ACTN1: variants seen among roughly 807,000 people sequenced by gnomAD.
The protein encoded by ACTN1 is actinin alpha 1.
Under a neutral mutation model 119.6 loss-of-function variants are expected in ACTN1, and 30 were observed. The ratio of observed to expected loss-of-function variants is 0.25; its 90% CI spans 0.19 to 0.34. The LOEUF (loss-of-function observed/expected upper bound fraction) is 0.34, where lower values mean the gene tolerates loss of function less well. Among genes scored for constraint, ACTN1 ranks in the 10% least tolerant of loss-of-function variants. The pLI, the probability that ACTN1 is intolerant of heterozygous loss-of-function variation, is 1.00. For synonymous variants in ACTN1, 429 were observed against 472.6 expected (o/e 0.91, Z 1.20); for missense variants, 764 against 1,223.4 (o/e 0.62, Z 5.60).
At chr14:68,876,569 C>G (rs1477793795) in intron 21 of ACTN1, among the ~76,000 whole-genome samples, 1 of 152,168 alleles carries the variant, frequency 6.6e-6, no homozygotes, top group Non-Finnish European at 1.5e-5. Flanking sequence ...TGGAGACAAC[C>G]CCCTGCATCC....
intron 1 of ACTN1, among the ~76,000 whole-genome samples, chr14:68,970,852 T>C (rs1336415476): frequency 6.6e-6 from 1 of 152,254 alleles, no homozygotes; most frequent in Non-Finnish European, 1.5e-5. Flanking sequence ...GTCAAAGACC[T>C]GGATTGAAAA....
chr14:68,888,542 C>T (rs961397544), intron 11 of ACTN1, among the ~76,000 whole-genome samples: 1 of 152,144 alleles, frequency 6.6e-6, no homozygotes, highest in African/African-American at 2.4e-5. Context: ...CAAAGGGGAA[C>T]TAGAGCCAAC....
At chr14:68,928,750 G>A (rs912378300) in intron 1 of ACTN1, among the ~76,000 whole-genome samples, 2 of 152,112 alleles carry the variant, frequency 1.3e-5, no homozygotes, top group Admixed American at 6.5e-5. Flanking sequence ...AAATGATCCC[G>A]GGACCAGGTC....
In ACTN1 at chr14:68,876,428, C is replaced by T. The variant is rs571849334; in HGVS notation, c.2586+654G>A. ...CTCTGTGAGTCTTTTCTCTAATATT[C>T]GAGGGATCTGTGGCTTCTACAGATC... is the stretch of plus-strand genomic sequence containing the variant. On this transcript the variant is annotated intron_variant, in intron 21 of 21. Coordinates refer to ENST00000394419, the MANE Select transcript of ACTN1 (RefSeq NM_001130004.2). 4.0e-5 allele frequency among the ~76,000 whole-genome samples: 6 copies of T among 150,124 alleles called. No homozygotes were observed. The East Asian group carries it at 6.0e-4, about 15-fold the overall frequency.
intron 11 of ACTN1, among the ~76,000 whole-genome samples, chr14:68,888,895 T>C (rs970601219): frequency 2.6e-5 from 4 of 152,182 alleles, no homozygotes; most frequent in Non-Finnish European, 5.9e-5. Context: ...TCCACGAAAC[T>C]GGTCCCCGGT....
In ACTN1 at chr14:68,925,725, A is replaced by G; in HGVS notation, c.106-53T>C. ...TCAGGGGGCTGGTGTTGTCACCCTCATTGGACAAGCCATTTAATGGTGCCA... is the reference window on the plus strand; with the variant it reads ...TCAGGGGGCTGGTGTTGTCACCCTCGTTGGACAAGCCATTTAATGGTGCCA... On this transcript the variant is annotated intron_variant, in intron 1 of 21. Transcript: ENST00000394419. This position sits in a 1 kb window ranked among gnomAD's most constrained non-coding sequence, Gnocchi z 4.3. The G allele has an allele frequency of 6.8e-7, 1 of 1,473,840 alleles. No individual in the cohort carries two copies. The highest frequency in any genetic ancestry group is 9.4e-7 in the Non-Finnish European group (1 of 1,063,382). The allele number at this position is 1,473,840 out of a possible 1,614,324, so 91.3% of individuals were successfully genotyped here.
chr14:68,884,028 T>G (rs766451219), intron 14 of ACTN1, 140 bp downstream of exon 14: 22 of 908,284 alleles, frequency 2.4e-5, no homozygotes, highest in Non-Finnish European at 2.8e-5. Context: ...CTTGTCAAAA[T>G]AAGTCAAATG....
intron 8 of ACTN1, among the ~76,000 whole-genome samples, chr14:68,897,028 G>A (rs1035758972): frequency 2.0e-5 from 3 of 152,180 alleles, no homozygotes; most frequent in South Asian, 2.1e-4. Context: ...TGTCACCCAG[G>A]CTGGAGTGCG....
intron 1 of ACTN1, among the ~76,000 whole-genome samples, chr14:68,927,487 G>A (rs748398360): frequency 6.6e-5 from 10 of 152,218 alleles, no homozygotes; most frequent in African/African-American, 1.9e-4. Flanking sequence ...TCTAGTGGAC[G>A]TAAGAATTGG....
chr14:68,976,962 A>G (rs1214685635), intron 1 of ACTN1, among the ~76,000 whole-genome samples: 2 of 152,072 alleles, frequency 1.3e-5, no homozygotes, highest in Admixed American at 1.3e-4. Context: ...TCTTCTCCCC[A>G]CTGCGTTTAA....
At chr14:68,941,827 C>T (rs1463918886) in intron 1 of ACTN1, among the ~76,000 whole-genome samples, 1 of 152,122 alleles carries the variant, frequency 6.6e-6, no homozygotes. Flanking sequence ...CCAGTGTGTT[C>T]CTTCATCTGG....
intron 3 of ACTN1, among the ~76,000 whole-genome samples, chr14:68,915,530 A>G (rs1447540813): frequency 2.0e-5 from 3 of 152,242 alleles, no homozygotes; most frequent in African/African-American, 7.2e-5. Context: ...ATCACTGCTT[A>G]GAGTTCAGTA....
At chr14:68,901,535 A>C (rs938693767) in intron 8 of ACTN1, among the ~76,000 whole-genome samples, 1 of 152,216 alleles carries the variant, frequency 6.6e-6, no homozygotes, top group Non-Finnish European at 1.5e-5. Flanking sequence ...GGCGTGAGCC[A>C]CCAGCCCGGC....
At chr14:68,944,983 A>G (rs571773729) in intron 1 of ACTN1, among the ~76,000 whole-genome samples, 10 of 152,050 alleles carry the variant, frequency 6.6e-5, no homozygotes, top group Non-Finnish European at 1.2e-4. Context: ...GCTGGGCAAC[A>G]TGGTGAAACC....
intron 1 of ACTN1, among the ~76,000 whole-genome samples, chr14:68,933,658 C>T (rs1165935060): frequency 1.3e-5 from 2 of 152,116 alleles, no homozygotes; most frequent in Non-Finnish European, 2.9e-5. Flanking sequence ...AGGCCCTTGG[C>T]TGCCACACCT....
chr14:68,937,504 C>T (rs1193607090), intron 1 of ACTN1, among the ~76,000 whole-genome samples: 4 of 152,084 alleles, frequency 2.6e-5, no homozygotes, highest in Non-Finnish European at 4.4e-5. Context: ...TTTAAAGTGC[C>T]TTATCAGTGT....
At chr14:68,957,196 G>C (rs1258786784) in intron 1 of ACTN1, among the ~76,000 whole-genome samples, 1 of 152,206 alleles carries the variant, frequency 6.6e-6, no homozygotes, top group East Asian at 1.9e-4. Context: ...AGAACATCGA[G>C]CATCTATCTT....
intron 3 of ACTN1, among the ~76,000 whole-genome samples, chr14:68,916,735 G>A (rs1566633828): frequency 6.6e-6 from 1 of 152,170 alleles, no homozygotes; most frequent in Non-Finnish European, 1.5e-5. Flanking sequence ...GGGCTTTGTG[G>A]AAAAACCTTG....
At chr14:68,956,707 CCT>C (rs1359098822) in intron 1 of ACTN1, among the ~76,000 whole-genome samples, 2 of 152,130 alleles carry the variant, frequency 1.3e-5, no homozygotes, top group Non-Finnish European at 2.9e-5. Flanking sequence ...GCAGGAGGCC[CCT>C]CATTGCATGA....
Sources: allele counts gnomAD v4.1 joint callset (sites outside exome capture counted in the v4.1 genomes callset), GRCh38; gene constraint gnomAD v4.1.1; non-coding constraint Gnocchi (gnomAD v3.1); transcripts MANE v1.5; gene names NCBI Gene and HGNC (gene_info 2026-07-23, HGNC 2026-07-21).